The following VAT1L variants were observed in gnomAD, a reference collection of about 807,000 sequenced individuals.
VAT1L encodes putative NADPH-dependent quinone oxidoreductase VAT1L.
A neutral mutation model predicts 44.1 loss-of-function variants in VAT1L; 34 were observed. That is an observed-to-expected ratio of 0.77 (90% CI 0.59 to 1.03). VAT1L has a LOEUF of 1.03. Ranked by LOEUF, VAT1L falls within the 50% of genes least tolerant of loss-of-function variation. The probability of loss-of-function intolerance (pLI) is 0.00; values close to 1 mark genes in which losing one functional copy is unlikely to be tolerated. For missense variants in VAT1L, 615 were observed against 538.8 expected, an observed-to-expected ratio of 1.14 and a Z score of -1.40; for synonymous variants, 253 against 202.2, an observed-to-expected ratio of 1.25 and a Z score of -2.13.
At position 77,879,314 on chromosome 16, in the gene VAT1L, C is replaced by A; in HGVS notation, c.882+90C>A. 3 of 1,423,220 alleles carry A rather than the reference C, an allele frequency of 2.1e-6. No individual in the cohort carries two copies. The highest frequency in any genetic ancestry group is 3.0e-6 in the Non-Finnish European group (3 of 1,009,050). 88.2% of individuals were successfully genotyped at this position (1,423,220 alleles called of 1,614,324 possible). ...TTTTGTTTGTTTGTTTGTTTTGAGA[C>A]AGCGTCTCGTTCTGTCACCAGGCTG... On this transcript the variant is annotated intron_variant, in intron 6 of 8. Transcript: ENST00000302536. The surrounding 1 kb of genome is among the most constrained non-coding windows in gnomAD (Gnocchi z 4.1).
intron 7 of VAT1L, among the ~76,000 whole-genome samples, chr16:77,921,947 T>C (rs989416093): frequency 6.6e-6 from 1 of 152,102 alleles, no homozygotes; most frequent in Non-Finnish European, 1.5e-5. Flanking sequence ...AGGGTCTCAC[T>C]ATGTTGCCCA....
chr16:77,835,381 A>G (rs999149340), intron 3 of VAT1L, among the ~76,000 whole-genome samples: 6 of 152,156 alleles, frequency 3.9e-5, no homozygotes, highest in Admixed American at 3.3e-4. Flanking sequence ...TGTAATATTC[A>G]TTAAATGAGG....
intron 7 of VAT1L, among the ~76,000 whole-genome samples, chr16:77,933,679 G>A (rs2017758368): frequency 6.6e-6 from 1 of 152,198 alleles, no homozygotes; most frequent in Non-Finnish European, 1.5e-5. Context: ...CAAAGGAGGA[G>A]AGGTCTTAAG....
intron 7 of VAT1L, among the ~76,000 whole-genome samples, chr16:77,898,505 G>T (rs1378803838): frequency 6.6e-6 from 1 of 152,210 alleles, no homozygotes; most frequent in Non-Finnish European, 1.5e-5. Flanking sequence ...TTTCTTAGGA[G>T]AGTGGCTTCA....
At chr16:77,818,878 A>G (rs149802238) in intron 2 of VAT1L, among the ~76,000 whole-genome samples, 141 of 152,300 alleles carry the variant, frequency 9.3e-4, no homozygotes, top group Non-Finnish European at 1.4e-3. Flanking sequence ...TTGGAGATGG[A>G]ATTCCTTGCA....
intron 4 of VAT1L, among the ~76,000 whole-genome samples, chr16:77,871,106 G>A (rs529837810): frequency 6.6e-6 from 1 of 152,276 alleles, no homozygotes; most frequent in South Asian, 2.1e-4. Flanking sequence ...TTCTACCCTT[G>A]AAAGGAGCAA....
intron 3 of VAT1L, among the ~76,000 whole-genome samples, chr16:77,833,485 G>A (rs1331857897): frequency 1.3e-5 from 2 of 152,214 alleles, no homozygotes; most frequent in East Asian, 1.9e-4. Context: ...GGGCGTGGTG[G>A]CTTACGCCTG....
At chr16:77,818,569 T>G (rs577021379) in intron 2 of VAT1L, among the ~76,000 whole-genome samples, 1 of 152,300 alleles carries the variant, frequency 6.6e-6, no homozygotes, top group South Asian at 2.1e-4. Flanking sequence ...CCCCAAGCAT[T>G]GAATAAATAA....
At chr16:77,790,415 C>T (rs1242842333) in intron 1 of VAT1L, among the ~76,000 whole-genome samples, 3 of 152,160 alleles carry the variant, frequency 2.0e-5, no homozygotes, top group Non-Finnish European at 4.4e-5. Context: ...CACTCCCCCA[C>T]CCCACACTGT....
At chr16:77,920,367 C>T (rs2017598566) in intron 7 of VAT1L, among the ~76,000 whole-genome samples, 1 of 152,112 alleles carries the variant, frequency 6.6e-6, no homozygotes, top group Non-Finnish European at 1.5e-5. Flanking sequence ...TGTATCCCAG[C>T]AATGCAGGAG....
At chr16:77,844,361 G>A (rs1180029706) in intron 3 of VAT1L, among the ~76,000 whole-genome samples, 2 of 152,112 alleles carry the variant, frequency 1.3e-5, no homozygotes, top group Non-Finnish European at 2.9e-5. Flanking sequence ...AAGTATACAG[G>A]AAGATGGGCA....
intron 7 of VAT1L, among the ~76,000 whole-genome samples, chr16:77,912,890 A>G (rs1272215883): frequency 2.6e-5 from 4 of 152,078 alleles, no homozygotes; most frequent in Non-Finnish European, 5.9e-5. Flanking sequence ...GCTTCCTCAT[A>G]TGGCAGAGAC....
At chr16:77,903,438 G>C (rs888599998) in intron 7 of VAT1L, among the ~76,000 whole-genome samples, 36 of 152,012 alleles carry the variant, frequency 2.4e-4, no homozygotes, top group African/African-American at 8.5e-4. Flanking sequence ...AGTTTCTGAG[G>C]GTGAAAATTA....
At chr16:77,855,392 C>G (rs557396213) in intron 3 of VAT1L, among the ~76,000 whole-genome samples, 1 of 152,028 alleles carries the variant, frequency 6.6e-6, no homozygotes, top group East Asian at 1.9e-4. Context: ...GAGCTTACCC[C>G]TAGTCACACA....
chr16:77,861,592 G>A (rs925389791), intron 3 of VAT1L, among the ~76,000 whole-genome samples: 1 of 152,332 alleles, frequency 6.6e-6, no homozygotes, highest in Non-Finnish European at 1.5e-5. Flanking sequence ...TCTTTGACCT[G>A]TGTTGCAAAA....
intron 1 of VAT1L, among the ~76,000 whole-genome samples, chr16:77,797,767 A>G (rs546826032): frequency 6.6e-6 from 1 of 152,266 alleles, no homozygotes; most frequent in Admixed American, 6.5e-5. Flanking sequence ...CCTAAGAGAG[A>G]GCCTTTTGGA....
intron 7 of VAT1L, among the ~76,000 whole-genome samples, chr16:77,915,032 G>A (rs1567507167): frequency 1.3e-5 from 2 of 152,178 alleles, no homozygotes; most frequent in African/African-American, 4.8e-5. Flanking sequence ...GGCTGAGGCA[G>A]GAGAATCGCT....
At chr16:77,927,470 A>G (rs1294842453) in intron 7 of VAT1L, among the ~76,000 whole-genome samples, 5 of 152,168 alleles carry the variant, frequency 3.3e-5, no homozygotes, top group Admixed American at 6.5e-5. Flanking sequence ...CAATTGATCC[A>G]TCTCCAGAAT....
At chr16:77,798,394 T>C (rs1268345558) in intron 1 of VAT1L, among the ~76,000 whole-genome samples, 1 of 152,242 alleles carries the variant, frequency 6.6e-6, no homozygotes, top group Admixed American at 6.5e-5. Flanking sequence ...GGAAAAATGA[T>C]TAAGTCTTTT....
Sources: gnomAD v4.1 joint callset for allele counts (sites outside exome capture counted in the v4.1 genomes callset) on GRCh38, gnomAD v4.1.1 for gene constraint, Gnocchi (gnomAD v3.1) non-coding constraint, MANE v1.5 for transcripts, NCBI Gene and HGNC (gene_info 2026-07-23, HGNC 2026-07-21) for gene names.